SIRPB1: variants seen among roughly 807,000 people sequenced by gnomAD.
SIRPB1 encodes signal-regulatory protein beta-1.
In SIRPB1, 28 loss-of-function variants were observed where a neutral mutation model predicts 34.1. The ratio of observed to expected loss-of-function variants is 0.82; its 90% CI spans 0.61 to 1.12. SIRPB1 has a LOEUF of 1.12. Ranked by LOEUF, SIRPB1 falls within the 50% of genes most tolerant of loss-of-function variation. SIRPB1 has a pLI of 0.00. For synonymous variants in SIRPB1, 211 were observed against 203.8 expected (o/e 1.04, Z -0.30); for missense variants, 499 against 507.0 (o/e 0.98, Z 0.15).
In SIRPB1 at chr20:1,570,762, A is replaced by G. The variant is rs762452939; in HGVS notation, c.1084+43T>C. The G allele has an allele frequency of 8.9e-6, 13 of 1,463,524 alleles. No individual in the cohort carries two copies. In the Admixed American group the frequency reaches 2.0e-4, roughly 23 times the overall value. 90.7% of individuals were successfully genotyped at this position (1,463,524 alleles called of 1,614,324 possible). A position where few individuals can be genotyped will look rare whatever the true frequency, so the allele number is the denominator to read the frequency against. ...GACAAGCATGAATATTGCTTTTAAC[A>G]TTAAAGAAAAAGACAAAATTTAAAA... is the stretch of plus-strand genomic sequence containing the variant. On this transcript the variant is annotated intron_variant, in intron 4 of 5. Transcript: ENST00000381605.
chr20:1,569,611 C>A (rs1326116195), intron 4 of SIRPB1, among the ~76,000 whole-genome samples: 1 of 152,186 alleles, frequency 6.6e-6, no homozygotes, highest in African/African-American at 2.4e-5. Context: ...CAGCACTGAC[C>A]CAGGAGATGA....
At chr20:1,569,554 G>A (rs1359318129) in intron 4 of SIRPB1, among the ~76,000 whole-genome samples, 4 of 152,186 alleles carry the variant, frequency 2.6e-5, no homozygotes, top group South Asian at 2.1e-4. Context: ...CTTCTATTTC[G>A]TGTCTTTCCT....
rs907367871 is a variant in SIRPB1 at position 1,578,219 on chromosome 20, T to G, written c.433+119A>C. 43 of 1,119,086 alleles carry G rather than the reference T, an allele frequency of 3.8e-5. 1 individual carries two copies. The highest frequency in any genetic ancestry group is 5.6e-5 in the Non-Finnish European group (42 of 754,978). The allele number at this position is 1,119,086 out of a possible 1,614,324, so 69.3% of individuals were successfully genotyped here. ...GATCTGGAGAAAGGGTGACATCAGTTCATGAAAGGGTGGCTGCTCAGCCAC... is the reference window on the plus strand; with the variant it reads ...GATCTGGAGAAAGGGTGACATCAGTGCATGAAAGGGTGGCTGCTCAGCCAC... On this transcript the variant is annotated intron_variant, in intron 2 of 5. Coordinates refer to ENST00000381605, the MANE Select transcript of SIRPB1 (RefSeq NM_006065.5).
In SIRPB1 at chr20:1,571,810, C is replaced by T. The variant is rs761652721; in HGVS notation, c.661G>A (p.Val221Ile). ...TARVVLTRGDVHSQVICEIAH... is the reference protein window; with the variant it reads ...TARVVLTRGDIHSQVICEIAH... ...ATCTCGCAGATGACTTGAGAGTGAA[C>T]GTCCCCACGGGTCAGCACCACCCTG... Residue 221 changes from valine (V) to isoleucine (I), a missense_variant, in exon 3 of 6, where the codon GTT becomes ATT. Physicochemically the swap from Val to Ile is conservative, Grantham distance 29 (BLOSUM62 3). Coordinates refer to ENST00000381605, the MANE Select transcript of SIRPB1 (RefSeq NM_006065.5). 6.8e-6 allele frequency: 11 copies of T among 1,614,094 alleles called. No homozygotes were observed. Among genetic ancestry groups the T allele is most frequent in the Admixed American group, 6.7e-5 (4 of 60,004 alleles).
intron 1 of SIRPB1, among the ~76,000 whole-genome samples, chr20:1,578,945 CTTTCT>C (rs1419534272): frequency 1.4e-5 from 2 of 147,830 alleles, no homozygotes; most frequent in African/African-American, 2.5e-5. Context: ...TTTCTGTTTG[CTTTCT>C]TTTCTTTTCT....
Position 1,571,753 on chromosome 20 carries a change from G to A in SIRPB1, c.718C>T (p.Arg240Cys), listed in dbSNP as rs142083473. 1.8e-4 allele frequency: 291 copies of A among 1,614,210 alleles called. 1 individual carries two copies. The African/African-American group carries it at 3.6e-3, about 20-fold the overall frequency. ...AHITLQGDPL[R>C]GTANLSEAIR... ...GCCTCAGACAAGTTGGCAGTCCCAC[G>A]AAGAGGGTCCCCCTGCAAGGTGATG... is the stretch of plus-strand genomic sequence containing the variant. The change falls in exon 3 of 6, where the codon CGT (arginine) becomes TGT (cysteine). Residue 240 changes from arginine to cysteine, a missense_variant. Physicochemically the swap from Arg to Cys is radical, Grantham distance 180. Coordinates refer to ENST00000381605, the MANE Select transcript of SIRPB1 (RefSeq NM_006065.5).
chr20:1,578,091 C>G, intron 2 of SIRPB1: 1 of 532,542 alleles, frequency 1.9e-6, no homozygotes, highest in South Asian at 2.1e-5. Flanking sequence ...TTTGGAAACA[C>G]AAGAGCTGTA....
rs1002752012 is a variant in SIRPB1, at chr20:1,564,265, G to T, written c.*1235C>A. 2 of 152,180 alleles carry T rather than the reference G, an allele frequency of 1.3e-5. No individual in the cohort carries two copies. The highest frequency in any genetic ancestry group is 4.8e-5 in the African/African-American group (2 of 41,434). The allele number at this position is 152,180 out of a possible 1,614,324, so 9.4% of individuals were successfully genotyped here. A position where few individuals can be genotyped will look rare whatever the true frequency, so the allele number is the denominator to read the frequency against. The stretch of plus-strand genomic sequence containing the variant: ...TTGCAATCTTGCACTGCCATGAAAA[G>T]TGAGGGCTGCCTGTATTCGGCATAA... On this transcript the variant is annotated 3_prime_UTR_variant, in exon 6 of 6. Transcript: ENST00000381605.
rs576749167 is a variant in SIRPB1 at position 1,619,818 on chromosome 20, G to A, written c.76+51C>T. 1.2e-5 allele frequency: 16 copies of A among 1,336,434 alleles called. No homozygotes were observed. In the East Asian group the frequency reaches 2.5e-4, roughly 21 times the overall value. The allele number at this position is 1,336,434 out of a possible 1,614,324, so 82.8% of individuals were successfully genotyped here. A position where few individuals can be genotyped will look rare whatever the true frequency, so the allele number is the denominator to read the frequency against. On this transcript the variant is annotated intron_variant, in intron 1 of 5. Transcript: ENST00000381605. Reference sequence around the variant, plus strand: ...GGAATCCCTGAAAGTCCAGGGACAGGCCATGGCTCAGTGGGCAGGAAAAAA... The same window carrying A: ...GGAATCCCTGAAAGTCCAGGGACAGACCATGGCTCAGTGGGCAGGAAAAAA...
At chr20:1,616,774 G>C (rs2091636529) in intron 1 of SIRPB1, among the ~76,000 whole-genome samples, 1 of 152,056 alleles carries the variant, frequency 6.6e-6, no homozygotes, top group South Asian at 2.1e-4. Context: ...CAGCAGAATG[G>C]AAGAAGATAT....
intron 5 of SIRPB1, among the ~76,000 whole-genome samples, chr20:1,565,707 G>A (rs566340787): frequency 1.1e-4 from 17 of 150,604 alleles, no homozygotes; most frequent in Middle Eastern, 3.5e-3. Context: ...CCTCTTCCCC[G>A]CTTTCCACTC....
rs1733477982 is a variant in SIRPB1, at chr20:1,564,952, T to C, written c.*548A>G. The C allele has an allele frequency of 7.5e-6, 3 of 398,454 alleles. No individual in the cohort carries two copies. Among genetic ancestry groups the C allele is most frequent in the East Asian group, 3.6e-5 (1 of 28,084 alleles). 24.7% of individuals were successfully genotyped at this position (398,454 alleles called of 1,614,324 possible). A position where few individuals can be genotyped will look rare whatever the true frequency, so the allele number is the denominator to read the frequency against. On this transcript the variant is annotated 3_prime_UTR_variant, in exon 6 of 6. Coordinates refer to ENST00000381605, the MANE Select transcript of SIRPB1 (RefSeq NM_006065.5). ...CAGCAGGACTGGGAAGGCTGCAGGA[T>C]ACTAGAAGAAATACTGTCTCCATCA...
intron 1 of SIRPB1, among the ~76,000 whole-genome samples, chr20:1,617,984 T>C (rs956266574): frequency 6.6e-6 from 1 of 152,004 alleles, no homozygotes; most frequent in Non-Finnish European, 1.5e-5. Context: ...TACACACACA[T>C]ATATGTATAT....
chr20:1,576,232 A>G (rs976464305), intron 2 of SIRPB1, among the ~76,000 whole-genome samples: 1 of 148,032 alleles, frequency 6.8e-6, no homozygotes, highest in African/African-American at 2.5e-5. Context: ...CTGCACAATC[A>G]GGATAAAGCC....
rs1241244292 is a variant in SIRPB1 at position 1,583,889 on chromosome 20, A to G, written c.77-5195T>C. On this transcript the variant is annotated intron_variant, in intron 1 of 5. Transcript: ENST00000381605. ...TACTACTACTACTACTACTACTACT[A>G]CTACTGCTGCTGCTGCTGCTGTGTG... 1.8e-4 allele frequency among the ~76,000 whole-genome samples: 8 copies of G among 45,274 alleles called. 4 individuals carry two copies. Among genetic ancestry groups the G allele is most frequent in the African/African-American group, 6.6e-4 (4 of 6,078 alleles). 29.7% of individuals were successfully genotyped at this position (45,274 alleles called of 152,430 possible). A position where few individuals can be genotyped will look rare whatever the true frequency, so the allele number is the denominator to read the frequency against.
chr20:1,563,602 A>G lies in SIRPB1; in HGVS notation c.*1898T>C, dbSNP rs533169699. The stretch of plus-strand genomic sequence containing the variant: ...CTACCAGAAACTGGATATTTTATGA[A>G]TAAAAGAGGTTTAATTGGACTCACA... On this transcript the variant is annotated 3_prime_UTR_variant, in exon 6 of 6. Transcript: ENST00000381605. The G allele has an allele frequency of 6.6e-6, 1 of 152,324 alleles. No individual in the cohort carries two copies. Among genetic ancestry groups the G allele is most frequent in the Admixed American group, 6.5e-5 (1 of 15,304 alleles). 9.4% of individuals were successfully genotyped at this position (152,324 alleles called of 1,614,324 possible). A position where few individuals can be genotyped will look rare whatever the true frequency, so the allele number is the denominator to read the frequency against.
At chr20:1,567,201 A>G (rs1449025047) in intron 4 of SIRPB1, among the ~76,000 whole-genome samples, 1 of 152,136 alleles carries the variant, frequency 6.6e-6, no homozygotes, top group African/African-American at 2.4e-5. Flanking sequence ...GGCAGTTCTC[A>G]GATGGGTGGC....
Position 1,603,985 on chromosome 20 carries a change from T to C in SIRPB1, c.76+15884A>G, listed in dbSNP as rs111782610. 1.1e-5 allele frequency: 7 copies of C among 609,830 alleles called. 3 individuals carry two copies. Among genetic ancestry groups the C allele is most frequent in the East Asian group, 1.2e-4 (2 of 16,748 alleles). The allele number at this position is 609,830 out of a possible 1,614,324, so 37.8% of individuals were successfully genotyped here. A position where few individuals can be genotyped will look rare whatever the true frequency, so the allele number is the denominator to read the frequency against. ...TCCAGTTGTAGGTACCATCCTTGTT[T>C]TCTGTAAGGGTTGAGGCCGTTTCTG... On this transcript the variant is annotated intron_variant, in intron 1 of 5. Transcript: ENST00000381605.
At position 1,591,372 on chromosome 20, in the gene SIRPB1, T is replaced by C. The variant is rs561845873; in HGVS notation, c.77-12678A>G. 11 of 48,400 alleles carry C rather than the reference T, an allele frequency of 2.3e-4. 5 individuals carry two copies. Among genetic ancestry groups the C allele is most frequent in the Admixed American group, 6.9e-4 (5 of 7,292 alleles). 3.0% of individuals were successfully genotyped at this position (48,400 alleles called of 1,614,324 possible). A position where few individuals can be genotyped will look rare whatever the true frequency, so the allele number is the denominator to read the frequency against. ...AGGAGCTGAGCACTTGCAGAGAGGG[T>C]GGTGGTGCCCAGGGTTGGCTCTGAA... On this transcript the variant is annotated intron_variant, in intron 1 of 5. Coordinates refer to ENST00000381605, the MANE Select transcript of SIRPB1 (RefSeq NM_006065.5).
Sources: allele counts gnomAD v4.1 joint callset (sites outside exome capture counted in the v4.1 genomes callset), GRCh38; gene constraint gnomAD v4.1.1; transcripts MANE v1.5; gene names NCBI Gene and HGNC (gene_info 2026-07-23, HGNC 2026-07-21).